The following FREM3 variants were observed in gnomAD, a reference collection of about 807,000 sequenced individuals.
The protein encoded by FREM3 is FRAS1-related extracellular matrix protein 3.
FREM3 carries 105 observed loss-of-function variants against 129.1 expected under a neutral mutation model. That is an observed-to-expected ratio of 0.81 (90% CI 0.69 to 0.96). FREM3 has a LOEUF of 0.96. Among genes scored for constraint, FREM3 ranks in the 40% least tolerant of loss-of-function variants. The probability of loss-of-function intolerance (pLI) is 0.00; values close to 1 mark genes in which losing one functional copy is unlikely to be tolerated. For missense variants in FREM3, 2,593 were observed against 2,666.3 expected, an observed-to-expected ratio of 0.97 and a Z score of 0.61; for synonymous variants, 1,014 against 1,044.9, an observed-to-expected ratio of 0.97 and a Z score of 0.57.
intron 2 of FREM3, among the ~76,000 whole-genome samples, chr4:143,684,427 C>T (rs1311633462): frequency 1.3e-5 from 2 of 152,188 alleles, no homozygotes; most frequent in South Asian, 2.1e-4. Context: ...TAGTTCGGCT[C>T]ACAGAAGCCA....
At chr4:143,639,385 G>A (rs573796575) in intron 2 of FREM3, among the ~76,000 whole-genome samples, 34 of 152,210 alleles carry the variant, frequency 2.2e-4, no homozygotes, top group African/African-American at 7.7e-4. Flanking sequence ...TGGCAACACC[G>A]CTAACTAAAG....
intron 2 of FREM3, among the ~76,000 whole-genome samples, chr4:143,675,921 T>A (rs1036089896): frequency 2.6e-5 from 4 of 151,902 alleles, no homozygotes; most frequent in East Asian, 3.9e-4. Flanking sequence ...CCAAAAAAAG[T>A]CCAGGACCAG....
Position 143,677,433 on chromosome 4 carries a change from A to G in FREM3, c.5275+15680T>C, listed in dbSNP as rs1740158972. On this transcript the variant is annotated intron_variant, in intron 2 of 7. Coordinates refer to ENST00000329798, the MANE Select transcript of FREM3 (RefSeq NM_001168235.2). ...ACTTAAATGTTAAACCAAAAGCCAT[A>G]AAAACCCTAGAAGAAAACCTAGGCA... 2.6e-5 allele frequency among the ~76,000 whole-genome samples: 4 copies of G among 152,376 alleles called. No individual in the cohort carries two copies. In the Middle Eastern group the frequency reaches 0.01, roughly 389 times the overall value.
At chr4:143,643,512 A>ACAT (rs1293971303) in intron 2 of FREM3, among the ~76,000 whole-genome samples, 7 of 152,172 alleles carry the variant, frequency 4.6e-5, no homozygotes, top group Non-Finnish European at 1.0e-4. Flanking sequence ...GTTTACAACA[A>ACAT]CATGAATGAA....
intron 5 of FREM3, among the ~76,000 whole-genome samples, chr4:143,614,169 GAA>G (rs1290945364): frequency 3.3e-5 from 5 of 152,090 alleles, no homozygotes; most frequent in Non-Finnish European, 5.9e-5. Context: ...AAGAGTTGGT[GAA>G]AAAAGTTGTC....
intron 6 of FREM3, among the ~76,000 whole-genome samples, chr4:143,600,776 TG>T (rs528356644): frequency 1.1e-3 from 163 of 152,290 alleles, no homozygotes; most frequent in Non-Finnish European, 1.9e-3. Context: ...TATGGCTGTA[TG>T]TGATTAAATA....
At chr4:143,664,472 G>A (rs991684312) in intron 2 of FREM3, among the ~76,000 whole-genome samples, 5 of 152,092 alleles carry the variant, frequency 3.3e-5, no homozygotes, top group East Asian at 1.9e-4. Context: ...GTACCCTGCC[G>A]TGTGAGGTGT....
intron 6 of FREM3, among the ~76,000 whole-genome samples, chr4:143,590,854 A>T (rs1025009359): frequency 3.3e-5 from 5 of 152,152 alleles, no homozygotes; most frequent in African/African-American, 1.2e-4. Context: ...TTCGGCTGTG[A>T]ATCCATCTGG....
chr4:143,650,178 CCAAA>C (rs1739486259), intron 2 of FREM3, among the ~76,000 whole-genome samples: 1 of 152,184 alleles, frequency 6.6e-6, no homozygotes, highest in Non-Finnish European at 1.5e-5. Context: ...AATTCTCTCT[CCAAA>C]CAAAGGTAGT....
In FREM3 at chr4:143,609,754, A is replaced by C. The variant is rs186415599; in HGVS notation, c.6028+1525T>G. Among the ~76,000 whole-genome samples, 1,294 of 152,304 alleles carry C rather than the reference A, an allele frequency of 8.5e-3. 10 individuals carry two copies. The highest frequency in any genetic ancestry group is 0.013 in the Non-Finnish European group (891 of 68,026). ...TTTGCTCTTCATATTAATCAACTAG[A>C]CTTGACCACGTAGGGATTTTTCAGA... is the stretch of plus-strand genomic sequence containing the variant. On this transcript the variant is annotated intron_variant, in intron 6 of 7. Coordinates refer to ENST00000329798, the MANE Select transcript of FREM3 (RefSeq NM_001168235.2).
rs1021803104 is a variant in FREM3, at chr4:143,664,588, A to G, written c.5275+28525T>C. Among the ~76,000 whole-genome samples, 44 of 152,254 alleles carry G rather than the reference A, an allele frequency of 2.9e-4. 2 individuals are homozygous for G. Among genetic ancestry groups the G allele is most frequent in the Middle Eastern group, 3.4e-3 (1 of 294 alleles). ...TGCCCGTTCTCAGATCTCCAGCTGC[A>G]TGCTGGGACAACCACTGCTCTCTTC... On this transcript the variant is annotated intron_variant, in intron 2 of 7. Transcript: ENST00000329798.
intron 7 of FREM3, among the ~76,000 whole-genome samples, chr4:143,579,016 T>C (rs750695334): frequency 2.0e-5 from 3 of 151,674 alleles, no homozygotes; most frequent in Non-Finnish European, 4.4e-5. Context: ...GGAATTACAT[T>C]GTAAGTTTTT....
intron 6 of FREM3, among the ~76,000 whole-genome samples, chr4:143,605,069 GTCTCTTGAATGAATTA>G (rs1397849564): frequency 6.6e-6 from 1 of 152,120 alleles, no homozygotes; most frequent in African/African-American, 2.4e-5. Context: ...CACTGTGAAT[GTCTCTTGAATGAATTA>G]TCTACCTGTT....
Position 143,696,532 on chromosome 4 carries a change from T to C in FREM3, c.4144A>G (p.Arg1382Gly). 1.3e-6 allele frequency: 2 copies of C among 1,537,508 alleles called. No individual in the cohort carries two copies. Among genetic ancestry groups the C allele is most frequent in the Non-Finnish European group, 1.7e-6 (2 of 1,146,936 alleles). ...GMNFTQDEINRGLICYIHTGQ... is the reference protein window; with the variant it reads ...GMNFTQDEINGGLICYIHTGQ... Reference sequence around the variant, plus strand: ...GTGTGGATATAGCAGATGAGGCCTCTGTTAATCTCATCCTGGGTAAAGTTC... The same window carrying C: ...GTGTGGATATAGCAGATGAGGCCTCCGTTAATCTCATCCTGGGTAAAGTTC... Residue 1382 changes from arginine to glycine, a missense_variant, in exon 1 of 8, where the codon AGA becomes GGA. Arg to Gly is a moderately radical substitution (Grantham distance 125). This residue lies in a region of FREM3 where 2,276 missense variants were observed against 2,267.2 expected (regional missense o/e 1.00). Coordinates refer to ENST00000329798, the MANE Select transcript of FREM3 (RefSeq NM_001168235.2).
Position 143,624,137 on chromosome 4 carries a change from GC to G in FREM3, c.5623del (p.Ala1875GlnfsTer6), listed in dbSNP as rs1739004038. On this transcript the variant is annotated frameshift_variant, in exon 4 of 8. Transcript: ENST00000329798. LOFTEE classifies it high-confidence loss of function. Reference sequence around the variant, plus strand: ...TCCAGGGTCTACAATTTCAACCGTTGCCATTTCTGGAAACTCCAGTACAGCC... The same window carrying G: ...TCCAGGGTCTACAATTTCAACCGTTGCATTTCTGGAAACTCCAGTACAGCC... ...LMAVLEFPEM[A>X]TVEIVDPGDE... is the part of the protein sequence containing the mutation. The G allele has an allele frequency of 6.5e-7, 1 of 1,534,866 alleles. No homozygotes were observed.
At position 143,696,772 on chromosome 4, in the gene FREM3, C is replaced by T; in HGVS notation, c.3904G>A (p.Val1302Met). Residue 1302 changes from valine to methionine, a missense_variant, in exon 1 of 8, where the codon GTG (valine) becomes ATG (methionine). Val to Met is a conservative substitution (Grantham distance 21). This residue lies in a region of FREM3 where 2,276 missense variants were observed against 2,267.2 expected (regional missense o/e 1.00). Coordinates refer to ENST00000329798, the MANE Select transcript of FREM3 (RefSeq NM_001168235.2). The part of the protein sequence containing the change: ...HRKVPIVVTL[V>M]DDETPHLTVN... ...GTCAGGTGAGGAGTTTCATCATCCACTAGGGTCACTACAATGGGTACCTTC... is the reference window on the plus strand; with the variant it reads ...GTCAGGTGAGGAGTTTCATCATCCATTAGGGTCACTACAATGGGTACCTTC... 2 of 1,537,854 alleles carry T rather than the reference C, an allele frequency of 1.3e-6. No homozygotes were observed. Among genetic ancestry groups the T allele is most frequent in the Non-Finnish European group, 8.7e-7 (1 of 1,147,056 alleles).
chr4:143,651,483 A>G (rs1739508572), intron 2 of FREM3, among the ~76,000 whole-genome samples: 1 of 152,218 alleles, frequency 6.6e-6, no homozygotes, highest in Non-Finnish European at 1.5e-5. Flanking sequence ...AGTGCCCTGG[A>G]TGGGGACATG....
At chr4:143,669,917 C>T (rs1212898065) in intron 2 of FREM3, among the ~76,000 whole-genome samples, 3 of 152,166 alleles carry the variant, frequency 2.0e-5, no homozygotes, top group Admixed American at 6.5e-5. Context: ...TTTCAGCCCA[C>T]GCCCTGCTCC....
chr4:143,579,728 T>C (rs1738099713), intron 7 of FREM3, among the ~76,000 whole-genome samples: 1 of 152,216 alleles, frequency 6.6e-6, no homozygotes, highest in South Asian at 2.1e-4. Context: ...ACAGAAGTTA[T>C]AATAATTATT....
Sources: allele counts gnomAD v4.1 joint callset (sites outside exome capture counted in the v4.1 genomes callset), GRCh38; gene constraint gnomAD v4.1.1; regional missense constraint gnomAD v4.1.1; transcripts MANE v1.5; gene names NCBI Gene and HGNC (gene_info 2026-07-23, HGNC 2026-07-21).